BNC1: variants seen among roughly 807,000 people sequenced by gnomAD.
BNC1 encodes zinc finger protein basonuclin-1.
In BNC1, 8 loss-of-function variants were observed where a neutral mutation model predicts 66.5. The ratio of observed to expected loss-of-function variants is 0.12; its 90% CI spans 0.07 to 0.22. The LOEUF (loss-of-function observed/expected upper bound fraction) is 0.22. BNC1 is among the 10% of genes least tolerant of loss of function. The pLI is 1.00. For synonymous variants in BNC1, 454 were observed against 452.6 expected, an observed-to-expected ratio of 1.00 and a Z score of -0.04; for missense variants, 1,069 against 1,241.3, an observed-to-expected ratio of 0.86 and a Z score of 2.09.
chr15:83,275,209 C>G (rs1429586356), intron 1 of BNC1, among the ~76,000 whole-genome samples: 11 of 152,112 alleles, frequency 7.2e-5, no homozygotes, highest in Admixed American at 6.5e-4. Context: ...TATGAAAGAA[C>G]TAAGAAGAGG....
At chr15:83,267,585 A>C (rs1435082966) in intron 2 of BNC1, among the ~76,000 whole-genome samples, 1 of 152,196 alleles carries the variant, frequency 6.6e-6, no homozygotes, top group African/African-American at 2.4e-5. Flanking sequence ...AATTAAACAA[A>C]ATTTAAAACT....
chr15:83,284,488 C>A (rs1251752104), intron 1 of BNC1, 42 bp downstream of exon 1: 2 of 1,179,236 alleles, frequency 1.7e-6, no homozygotes, highest in Non-Finnish European at 2.1e-6. Context: ...GCCTGCTCCG[C>A]GCACAGAGAA....
intron 1 of BNC1, among the ~76,000 whole-genome samples, chr15:83,278,967 C>T (rs1047382935): frequency 6.6e-6 from 1 of 151,972 alleles, no homozygotes; most frequent in East Asian, 1.9e-4. Context: ...AAGTATGAAC[C>T]TATATATTAA....
intron 1 of BNC1, among the ~76,000 whole-genome samples, chr15:83,284,195 G>A (rs1476146714): frequency 6.6e-6 from 1 of 152,100 alleles, no homozygotes; most frequent in Non-Finnish European, 1.5e-5. Context: ...GCAGAGAGTG[G>A]CGTGTAGGGT....
intron 1 of BNC1, among the ~76,000 whole-genome samples, chr15:83,271,454 C>CA (rs1012245017): frequency 1.3e-5 from 2 of 151,996 alleles, no homozygotes; most frequent in Admixed American, 6.5e-5. Context: ...AAGAGGCTAC[C>CA]AAAAAACAGG....
intron 1 of BNC1, among the ~76,000 whole-genome samples, chr15:83,275,081 TAC>T (rs1728412651): frequency 1.3e-5 from 2 of 152,240 alleles, no homozygotes; most frequent in Non-Finnish European, 1.5e-5. Context: ...TTCTAAATTC[TAC>T]AGATTAAAAT....
At chr15:83,268,108 A>G in intron 2 of BNC1, 25 bp downstream of exon 2, 8 of 1,592,348 alleles carry the variant, frequency 5.0e-6, no homozygotes, top group South Asian at 1.1e-5. Context: ...ACTACAGGCC[A>G]AGAGAGGGTG....
chr15:83,283,165 G>A (rs1384349306), intron 1 of BNC1: 1 of 1,535,628 alleles, frequency 6.5e-7, no homozygotes, highest in Non-Finnish European at 8.7e-7. Flanking sequence ...CAGCCCCGCA[G>A]CCACAAAGAG....
At position 83,264,681 on chromosome 15, in the gene BNC1, CTCT is replaced by C; in HGVS notation, c.567_569del (p.Glu190del). 1.9e-6 allele frequency: 3 copies of C among 1,614,144 alleles called. No individual in the cohort carries two copies. Among genetic ancestry groups the C allele is most frequent in the East Asian group, 2.2e-5 (1 of 44,874 alleles). ...TGGAAGGTGGTATGATGATGGATTG[CTCT>C]TCTTTCTCTTGAATTGCCATGAGTT... On this transcript the variant is annotated inframe_deletion, in exon 4 of 5. Coordinates refer to ENST00000345382, the MANE Select transcript of BNC1 (RefSeq NM_001717.4).
chr15:83,270,795 T>C (rs1036519642), intron 1 of BNC1, among the ~76,000 whole-genome samples: 2 of 152,252 alleles, frequency 1.3e-5, no homozygotes, highest in Non-Finnish European at 2.9e-5. Flanking sequence ...CTTCGCTTTC[T>C]TGATGGTATC....
intron 1 of BNC1, among the ~76,000 whole-genome samples, chr15:83,277,571 T>C (rs1253556606): frequency 1.3e-5 from 2 of 152,134 alleles, no homozygotes; most frequent in African/African-American, 4.8e-5. Flanking sequence ...GGCCTCCCAA[T>C]GTGCTGGGAT....
At chr15:83,277,020 C>G (rs968365174) in intron 1 of BNC1, among the ~76,000 whole-genome samples, 1 of 152,182 alleles carries the variant, frequency 6.6e-6, no homozygotes, top group Non-Finnish European at 1.5e-5. Context: ...AATTTAAAAA[C>G]CCAGTCTGGC....
intron 1 of BNC1, among the ~76,000 whole-genome samples, chr15:83,270,864 G>A (rs1007491643): frequency 6.6e-6 from 1 of 152,254 alleles, no homozygotes; most frequent in South Asian, 2.1e-4. Context: ...TGATGAAAAT[G>A]TTCTAAAATT....
intron 1 of BNC1, among the ~76,000 whole-genome samples, chr15:83,274,885 G>A (rs1332542632): frequency 2.0e-5 from 3 of 152,192 alleles, no homozygotes; most frequent in Non-Finnish European, 2.9e-5. Flanking sequence ...ACTAGGGGAG[G>A]ATTACGCCTT....
At chr15:83,274,257 C>T (rs1008213290) in intron 1 of BNC1, among the ~76,000 whole-genome samples, 1 of 152,088 alleles carries the variant, frequency 6.6e-6, no homozygotes, top group Non-Finnish European at 1.5e-5. Flanking sequence ...TGGTGGCAGG[C>T]GCCTGTAGTC....
At position 83,264,714 on chromosome 15, in the gene BNC1, T is replaced by C. The variant is rs1215415513; in HGVS notation, c.537A>G (p.Ile179Met). 20 of 1,614,192 alleles carry C rather than the reference T, an allele frequency of 1.2e-5. No individual in the cohort carries two copies. The highest frequency in any genetic ancestry group is 1.7e-5 in the Non-Finnish European group (20 of 1,180,040). The change falls in exon 4 of 5, where the codon ATA (isoleucine) becomes ATG (methionine). Residue 179 changes from isoleucine (I) to methionine (M), a missense_variant. Ile to Met is a conservative substitution (Grantham distance 10). Coordinates refer to ENST00000345382, the MANE Select transcript of BNC1 (RefSeq NM_001717.4). ...QFLRFGETKS[I>M]VELMAIQEKE... ...TCTCTTGAATTGCCATGAGTTCAACTATAGATTTGGTCTCTCCAAAACGAA... is the reference window on the plus strand; with the variant it reads ...TCTCTTGAATTGCCATGAGTTCAACCATAGATTTGGTCTCTCCAAAACGAA...
chr15:83,263,055 A>G lies in BNC1; in HGVS notation c.2196T>C (p.Ala732=). The change falls in exon 4 of 5, where the codon GCT becomes GCC. Residue 732 remains alanine (A), a synonymous_variant. Transcript: ENST00000345382. The part of the protein sequence containing the change: ...CDICKKTFKN[A]CSVKIHHKNM... ...TCTTGTGATGAATTTTCACACTACA[A>G]GCATTTTTAAAGGTCTTCTTGCAGA... is the stretch of plus-strand genomic sequence containing the variant. 2 of 1,614,236 alleles carry G rather than the reference A, an allele frequency of 1.2e-6. No individual in the cohort carries two copies. The highest frequency in any genetic ancestry group is 1.7e-6 in the Non-Finnish European group (2 of 1,180,034).
chr15:83,257,536 T>C lies in BNC1; in HGVS notation c.2891A>G (p.Asn964Ser). The C allele has an allele frequency of 1.2e-6, 2 of 1,614,176 alleles. No homozygotes were observed. Among genetic ancestry groups the C allele is most frequent in the South Asian group, 1.1e-5 (1 of 91,076 alleles). The change falls in exon 5 of 5, where the codon AAC becomes AGC. Residue 964 changes from asparagine (N) to serine (S), a missense_variant. Transcript: ENST00000345382. ...ACTGCGAACAGACGAAAACATGGTG[T>C]TGCAGCCTGGTACTTTGCATTTGTG... is the stretch of plus-strand genomic sequence containing the variant. Reference protein sequence around the residue: ...QLHKCKVPGCNTMFSSVRSRN... With the variant: ...QLHKCKVPGCSTMFSSVRSRN...
At position 83,263,237 on chromosome 15, in the gene BNC1, T is replaced by C. The variant is rs751133994; in HGVS notation, c.2014A>G (p.Met672Val). 7 of 1,614,076 alleles carry C rather than the reference T, an allele frequency of 4.3e-6. No homozygotes were observed. In the East Asian group the frequency reaches 6.7e-5, roughly 15 times the overall value. Residue 672 changes from methionine to valine, a missense_variant, in exon 4 of 5, where the codon ATG (methionine) becomes GTG (valine). Physicochemically the swap from Met to Val is conservative, Grantham distance 21 (BLOSUM62 1). Coordinates refer to ENST00000345382, the MANE Select transcript of BNC1 (RefSeq NM_001717.4). ...MEPQVPFSDY[M>V]ELQQRLLAGG... ...GCCAGCAGGCGCTGCTGCAGTTCCA[T>C]GTAGTCAGAAAAAGGAACTTGGGGT...
Sources: gnomAD v4.1 joint callset for allele counts (sites outside exome capture counted in the v4.1 genomes callset) on GRCh38, gnomAD v4.1.1 for gene constraint, MANE v1.5 for transcripts, NCBI Gene and HGNC (gene_info 2026-07-23, HGNC 2026-07-21) for gene names.